The following WDFY2 variants were observed in gnomAD, a reference collection of about 807,000 sequenced individuals.
WDFY2 encodes WD repeat and FYVE domain-containing protein 2.
In WDFY2, 36 loss-of-function variants were observed where a neutral mutation model predicts 56.4. The ratio of observed to expected loss-of-function variants is 0.64; its 90% CI spans 0.49 to 0.84. The LOEUF is 0.84. Ranked by LOEUF, WDFY2 falls within the 40% of genes least tolerant of loss-of-function variation. WDFY2 has a pLI of 0.00. For missense variants in WDFY2, 444 were observed against 512.2 expected, an observed-to-expected ratio of 0.87 and a Z score of 1.29; for synonymous variants, 176 against 183.7, an observed-to-expected ratio of 0.96 and a Z score of 0.34.
At chr13:51,691,579 A>G (rs1440670801) in intron 3 of WDFY2, among the ~76,000 whole-genome samples, 1 of 152,014 alleles carries the variant, frequency 6.6e-6, no homozygotes, top group Non-Finnish European at 1.5e-5. Flanking sequence ...TACCAGTACC[A>G]TGCTGTTTTG....
Position 51,700,859 on chromosome 13 carries a change from C to T in WDFY2, c.280-2737C>T, listed in dbSNP as rs10467509. Among the ~76,000 whole-genome samples, 1,168 of 152,084 alleles carry T rather than the reference C, an allele frequency of 7.7e-3. 10 individuals carry two copies. The highest frequency in any genetic ancestry group is 0.027 in the African/African-American group (1,121 of 41,488). ...GCGCATGCCTGTAATCCCAACTACTCGGGAGGCTGAGGTAGGAGAATCGCT... is the reference window on the plus strand; with the variant it reads ...GCGCATGCCTGTAATCCCAACTACTTGGGAGGCTGAGGTAGGAGAATCGCT... On this transcript the variant is annotated intron_variant, in intron 3 of 11. Transcript: ENST00000298125.
Position 51,609,589 on chromosome 13 carries a change from A to G in WDFY2, c.137+24765A>G, listed in dbSNP as rs376506180. On this transcript the variant is annotated intron_variant, in intron 1 of 11. Transcript: ENST00000298125. ...ACAAAACAAAACAAACAAAAAAACA[A>G]TAAAAACCCCAACCCCCGCCCCCCC... Among the ~76,000 whole-genome samples, 548 of 141,400 alleles carry G rather than the reference A, an allele frequency of 3.9e-3. 6 individuals carry two copies. Among genetic ancestry groups the G allele is most frequent in the African/African-American group, 0.012 (434 of 37,248 alleles). The allele number at this position is 141,400 out of a possible 152,430, so 92.8% of individuals were successfully genotyped here.
At position 51,727,809 on chromosome 13, in the gene WDFY2, T is replaced by C; in HGVS notation, c.598+19T>C. On this transcript the variant is annotated intron_variant, in intron 6 of 11. Transcript: ENST00000298125. ...CACACAGGTAGGATTAACAGTAAAA[T>C]CGTCATGTGCTGATAGCACAGTGAG... 2 of 1,610,128 alleles carry C rather than the reference T, an allele frequency of 1.2e-6. No homozygotes were observed. The highest frequency in any genetic ancestry group is 1.7e-6 in the Non-Finnish European group (2 of 1,176,842).
In WDFY2 at chr13:51,736,223, C is replaced by T. The variant is rs997685199; in HGVS notation, c.599-2826C>T. ...TGTTGTGTGTGTTTATATATATTAACCCAATTAATCTCAACAATACTGTGG... is the reference window on the plus strand; with the variant it reads ...TGTTGTGTGTGTTTATATATATTAATCCAATTAATCTCAACAATACTGTGG... On this transcript the variant is annotated intron_variant, in intron 6 of 11. Coordinates refer to ENST00000298125, the MANE Select transcript of WDFY2 (RefSeq NM_052950.4). Among the ~76,000 whole-genome samples the T allele has an allele frequency of 3.9e-5, 6 of 152,128 alleles. No homozygotes were observed. The South Asian group carries it at 6.2e-4, about 16-fold the overall frequency.
At chr13:51,614,954 A>T (rs1272356700) in intron 1 of WDFY2, among the ~76,000 whole-genome samples, 4 of 152,232 alleles carry the variant, frequency 2.6e-5, no homozygotes. Context: ...TCATATACAC[A>T]TTGATGTAAA....
chr13:51,732,212 C>A (rs1167174821), intron 6 of WDFY2, among the ~76,000 whole-genome samples: 1 of 151,990 alleles, frequency 6.6e-6, no homozygotes, highest in Non-Finnish European at 1.5e-5. Context: ...CTCACTGCAA[C>A]CTCCATTTCC....
intron 6 of WDFY2, among the ~76,000 whole-genome samples, chr13:51,734,361 TA>T (rs1226468429): frequency 6.6e-6 from 1 of 152,202 alleles, no homozygotes; most frequent in East Asian, 1.9e-4. Context: ...ATTGTATGTG[TA>T]AAAATATTCA....
chr13:51,604,165 C>T (rs1954341314), intron 1 of WDFY2, among the ~76,000 whole-genome samples: 1 of 152,124 alleles, frequency 6.6e-6, no homozygotes, highest in African/African-American at 2.4e-5. Flanking sequence ...CACGCTGGAG[C>T]CAGTCTTTTG....
At chr13:51,740,309 A>T (rs1372484826) in intron 7 of WDFY2, among the ~76,000 whole-genome samples, 1 of 152,220 alleles carries the variant, frequency 6.6e-6, no homozygotes, top group African/African-American at 2.4e-5. Context: ...GGCCACTCAG[A>T]CCTTGTCATC....
At chr13:51,713,846 C>CAAA (rs763208351) in intron 4 of WDFY2, among the ~76,000 whole-genome samples, 6 of 55,344 alleles carry the variant, frequency 1.1e-4, no homozygotes, top group Admixed American at 1.9e-4. Flanking sequence ...GATTCCATCT[C>CAAA]AAAAAAAAAA....
At position 51,763,675 on chromosome 13, in the gene WDFY2, G is replaced by C. The variant is rs1264106690; in HGVS notation, c.*3906G>C. 6.6e-6 allele frequency: 1 copy of C among 152,164 alleles called. No homozygotes were observed. The highest frequency in any genetic ancestry group is 2.4e-5 in the African/African-American group (1 of 41,416). 9.4% of individuals were successfully genotyped at this position (152,164 alleles called of 1,614,324 possible). On this transcript the variant is annotated 3_prime_UTR_variant, in exon 12 of 12. Transcript: ENST00000298125. ...TAGTTGGGTGTGGTGGCACACACCT[G>C]TATTCCCAGCTACTCAGGAAGCTGA...
intron 4 of WDFY2, among the ~76,000 whole-genome samples, chr13:51,711,546 A>G (rs577396282): frequency 1.3e-4 from 20 of 152,268 alleles, no homozygotes; most frequent in Non-Finnish European, 2.5e-4. Context: ...CCCATCTGAC[A>G]AAGGGCTAAT....
chr13:51,673,853 C>T (rs975356353), intron 2 of WDFY2, among the ~76,000 whole-genome samples: 1 of 152,076 alleles, frequency 6.6e-6, no homozygotes, highest in African/African-American at 2.4e-5. Flanking sequence ...GTCTGTTATA[C>T]AGGTGGAAGT....
At chr13:51,694,996 C>T (rs1252299492) in intron 3 of WDFY2, among the ~76,000 whole-genome samples, 1 of 152,184 alleles carries the variant, frequency 6.6e-6, no homozygotes, top group African/African-American at 2.4e-5. Flanking sequence ...CTTCTGCATT[C>T]TTCACGTAGT....
intron 3 of WDFY2, among the ~76,000 whole-genome samples, chr13:51,683,580 A>G (rs1956012711): frequency 2.0e-5 from 3 of 152,342 alleles, no homozygotes; most frequent in South Asian, 4.1e-4. Flanking sequence ...GTCATGAAAT[A>G]TATCTTCCAG....
chr13:51,650,585 C>T (rs1222942457), intron 1 of WDFY2, among the ~76,000 whole-genome samples: 1 of 152,128 alleles, frequency 6.6e-6, no homozygotes, highest in Non-Finnish European at 1.5e-5. Context: ...TGAGATACGT[C>T]CCATCAATAC....
At chr13:51,723,586 T>C (rs1216643065) in intron 5 of WDFY2, among the ~76,000 whole-genome samples, 1 of 152,210 alleles carries the variant, frequency 6.6e-6, no homozygotes, top group Non-Finnish European at 1.5e-5. Context: ...ATATTTTCAG[T>C]AAACTGAAAA....
At chr13:51,627,535 A>ATT (rs994394345) in intron 1 of WDFY2, among the ~76,000 whole-genome samples, 2 of 146,304 alleles carry the variant, frequency 1.4e-5, no homozygotes, top group South Asian at 4.3e-4. Context: ...CACCTGGCTA[A>ATT]TTTTTTTTTT....
At chr13:51,620,527 T>C (rs1186045752) in intron 1 of WDFY2, among the ~76,000 whole-genome samples, 2 of 152,020 alleles carry the variant, frequency 1.3e-5, no homozygotes, top group African/African-American at 4.8e-5. Context: ...CCTGAAACCT[T>C]TGTAGTGGCA....
Sources: allele counts gnomAD v4.1 joint callset (sites outside exome capture counted in the v4.1 genomes callset), GRCh38; gene constraint gnomAD v4.1.1; transcripts MANE v1.5; gene names NCBI Gene and HGNC (gene_info 2026-07-23, HGNC 2026-07-21).